The following EYS variants were observed in gnomAD, a reference collection of about 807,000 sequenced individuals.
EYS encodes protein eyes shut homolog.
Under a neutral mutation model 282.1 loss-of-function variants are expected in EYS, and 250 were observed. That is an observed-to-expected ratio of 0.89 (90% confidence interval 0.80 to 0.98). The LOEUF (loss-of-function observed/expected upper bound fraction) is 0.98. Among genes scored for constraint, EYS ranks in the 50% least tolerant of loss-of-function variants. The pLI, the probability that EYS is intolerant of heterozygous loss-of-function variation, is 0.00. For synonymous variants in EYS, 1,355 were observed against 1,282.9 expected, an observed-to-expected ratio of 1.06 and a Z score of -1.20; for missense variants, 4,016 against 3,709.0, an observed-to-expected ratio of 1.08 and a Z score of -2.15.
At chr6:64,308,518 G>C (rs1183250949) in intron 29 of EYS, among the ~76,000 whole-genome samples, 1 of 151,916 alleles carries the variant, frequency 6.6e-6, no homozygotes, top group South Asian at 2.1e-4. Context: ...TTCAAGCTTA[G>C]GTGAACCAAA....
At position 65,653,326 on chromosome 6, in the gene EYS, T is replaced by C. The variant is rs141892186; in HGVS notation, c.-447-13434A>G. On this transcript the variant is annotated intron_variant, in intron 1 of 42. Coordinates refer to ENST00000503581, the MANE Select transcript of EYS (RefSeq NM_001142800.2). ...ACACCCAGGATGGGCATAGTTTATA[T>C]GTAAGGGGGACCAAATTATCAAATA... Among the ~76,000 whole-genome samples, 148 of 151,960 alleles carry C rather than the reference T, an allele frequency of 9.7e-4. 1 individual carries two copies. The highest frequency in any genetic ancestry group is 2.9e-3 in the African/African-American group (122 of 41,510).
chr6:65,623,074 C>A (rs1289933051), intron 2 of EYS, among the ~76,000 whole-genome samples: 1 of 152,008 alleles, frequency 6.6e-6, no homozygotes, highest in Non-Finnish European at 1.5e-5. Flanking sequence ...CTTTTTAATA[C>A]CTTAATTTGA....
intron 31 of EYS, among the ~76,000 whole-genome samples, chr6:64,097,228 C>T (rs866574258): frequency 7.9e-5 from 12 of 152,180 alleles, no homozygotes; most frequent in South Asian, 4.1e-4. Context: ...CAGTCTGTTC[C>T]GTTCTCCGAT....
At chr6:64,656,073 G>C (rs1405382783) in intron 22 of EYS, among the ~76,000 whole-genome samples, 1 of 152,062 alleles carries the variant, frequency 6.6e-6, no homozygotes, top group Non-Finnish European at 1.5e-5. Context: ...CATTCAAGTA[G>C]TATTTGTCAA....
At chr6:64,151,349 A>ATATATATATT (rs1774719949) in intron 31 of EYS, among the ~76,000 whole-genome samples, 1 of 109,902 alleles carries the variant, frequency 9.1e-6, no homozygotes, top group African/African-American at 4.0e-5. Context: ...ATATATATAT[A>ATATATATATT]TATATATATA....
intron 14 of EYS, among the ~76,000 whole-genome samples, chr6:64,997,080 A>G (rs1167251359): frequency 1.3e-5 from 2 of 152,162 alleles, no homozygotes; most frequent in Admixed American, 6.6e-5. Flanking sequence ...GCAGAATGGA[A>G]CATGCTTGTG....
chr6:64,206,340 G>T (rs1054946951), intron 31 of EYS, among the ~76,000 whole-genome samples: 7 of 152,006 alleles, frequency 4.6e-5, no homozygotes, highest in African/African-American at 1.7e-4. Flanking sequence ...AATATTAGAG[G>T]ACTTCACTGG....
intron 31 of EYS, among the ~76,000 whole-genome samples, chr6:64,140,384 C>T (rs553934251): frequency 8.5e-5 from 13 of 152,308 alleles, no homozygotes; most frequent in African/African-American, 3.1e-4. Flanking sequence ...GGTTTATTCA[C>T]ACAGCATATG....
At chr6:64,063,608 A>G (rs1453899847) in intron 33 of EYS, among the ~76,000 whole-genome samples, 1 of 152,170 alleles carries the variant, frequency 6.6e-6, no homozygotes, top group Non-Finnish European at 1.5e-5. Flanking sequence ...CAAACTGTCT[A>G]CCTTTCAAAC....
chr6:64,757,744 T>TTG (rs66825340), intron 22 of EYS, among the ~76,000 whole-genome samples: 4,868 of 139,764 alleles, frequency 0.035, 84 homozygotes, highest in East Asian at 0.064. Context: ...CTTTTTTTCT[T>TTG]TGTGTGTGTG....
chr6:63,882,828 G>T (rs2149719768), intron 35 of EYS, among the ~76,000 whole-genome samples: 1 of 152,262 alleles, frequency 6.6e-6, no homozygotes, highest in East Asian at 1.9e-4. Context: ...GTGAACAACA[G>T]ATATGAATGC....
chr6:65,190,407 T>C (rs1171820273), intron 12 of EYS, among the ~76,000 whole-genome samples: 1 of 150,910 alleles, frequency 6.6e-6, no homozygotes, highest in East Asian at 1.9e-4. Flanking sequence ...ATTGTTATAC[T>C]CATTTTTTCT....
At chr6:63,987,692 A>G (rs1054612272) in intron 34 of EYS, among the ~76,000 whole-genome samples, 1 of 151,666 alleles carries the variant, frequency 6.6e-6, no homozygotes, top group Non-Finnish European at 1.5e-5. Flanking sequence ...TCAAGTTGAC[A>G]TCTGAAAAGT....
At chr6:63,901,441 G>GC (rs1562087106) in intron 35 of EYS, among the ~76,000 whole-genome samples, 1 of 152,104 alleles carries the variant, frequency 6.6e-6, no homozygotes, top group Non-Finnish European at 1.5e-5. Context: ...GCAAATAAAG[G>GC]CCCCTAGAAC....
At chr6:63,957,398 C>T (rs1765872933) in intron 35 of EYS, among the ~76,000 whole-genome samples, 1 of 140,704 alleles carries the variant, frequency 7.1e-6, no homozygotes, top group African/African-American at 2.4e-5. Flanking sequence ...CTGTGCATAT[C>T]TGTGAATGAC....
intron 29 of EYS, among the ~76,000 whole-genome samples, chr6:64,325,765 A>G (rs1234135331): frequency 1.3e-5 from 2 of 152,168 alleles, no homozygotes; most frequent in Non-Finnish European, 2.9e-5. Flanking sequence ...AAAATGCAAA[A>G]TTCTCTGGAA....
At chr6:65,019,185 T>C (rs1340614635) in intron 13 of EYS, among the ~76,000 whole-genome samples, 2 of 152,220 alleles carry the variant, frequency 1.3e-5, no homozygotes, top group East Asian at 1.9e-4. Flanking sequence ...TATTTCTTTA[T>C]ATTAAAATTT....
chr6:65,231,322 A>G (rs945950161), intron 12 of EYS, among the ~76,000 whole-genome samples: 1 of 151,148 alleles, frequency 6.6e-6, no homozygotes, highest in African/African-American at 2.4e-5. Flanking sequence ...ATATATAAAA[A>G]TCACACAATT....
At chr6:64,774,242 T>C (rs1453288032) in intron 22 of EYS, among the ~76,000 whole-genome samples, 7 of 151,954 alleles carry the variant, frequency 4.6e-5, no homozygotes, top group African/African-American at 1.7e-4. Flanking sequence ...CTGAAGATAA[T>C]TTTTCAAGGT....
Sources: allele counts gnomAD v4.1 joint callset (sites outside exome capture counted in the v4.1 genomes callset), GRCh38; gene constraint gnomAD v4.1.1; transcripts MANE v1.5; gene names NCBI Gene and HGNC (gene_info 2026-07-23, HGNC 2026-07-21).